VCL: variants seen among roughly 807,000 people sequenced by gnomAD.
VCL encodes vinculin, also known as epididymis luminal protein 114.
Under a neutral mutation model 125.7 loss-of-function variants are expected in VCL, and 47 were observed. The ratio of observed to expected loss-of-function variants is 0.37; its 90% CI spans 0.30 to 0.48. The LOEUF is 0.48. VCL is among the 20% of genes least tolerant of loss of function. The pLI is 0.99. For synonymous variants in VCL, 458 were observed against 514.6 expected (o/e 0.89, Z 1.49); for missense variants, 1,069 against 1,455.5 (o/e 0.73, Z 4.32).
chr10:74,064,939 G>C (rs1841542945), intron 2 of VCL, among the ~76,000 whole-genome samples: 1 of 152,042 alleles, frequency 6.6e-6, no homozygotes, highest in South Asian at 2.1e-4. Context: ...TTTATACGTA[G>C]AAGTATATTT....
chr10:74,035,252 C>T (rs1414135526), intron 1 of VCL, among the ~76,000 whole-genome samples: 4 of 148,870 alleles, frequency 2.7e-5, no homozygotes, highest in Non-Finnish European at 3.0e-5. Flanking sequence ...CCTTTTTTTT[C>T]TTTCTTTTTT....
At position 74,109,088 on chromosome 10, in the gene VCL, G is replaced by T; in HGVS notation, c.2677G>T (p.Val893Leu). Residue 893 changes from valine (V) to leucine (L), a missense_variant, in exon 18 of 22, where the codon GTG becomes TTG. By Grantham distance (32) the Val-to-Leu change is conservative. This residue lies in a region of VCL where 28 missense variants were observed against 65.1 expected (regional missense o/e 0.43). Transcript: ENST00000211998. ...EEFPEQKAGE[V>L]INQPMMMAAR... ...GTTCCCTGAGCAGAAGGCCGGGGAGGTGATTAACCAGCCAATGATGATGGC... is the reference window on the plus strand; with the variant it reads ...GTTCCCTGAGCAGAAGGCCGGGGAGTTGATTAACCAGCCAATGATGATGGC... The T allele has an allele frequency of 6.2e-7, 1 of 1,614,164 alleles. No homozygotes were observed. Among genetic ancestry groups the T allele is most frequent in the Non-Finnish European group, 8.5e-7 (1 of 1,180,030 alleles).
At chr10:74,035,119 A>G (rs535410737) in intron 1 of VCL, among the ~76,000 whole-genome samples, 83 of 152,342 alleles carry the variant, frequency 5.4e-4, no homozygotes, top group African/African-American at 1.9e-3. Flanking sequence ...TACATTGTAC[A>G]AATAAGTAAC....
chr10:74,045,020 C>T (rs1841170552), intron 2 of VCL, among the ~76,000 whole-genome samples: 1 of 151,270 alleles, frequency 6.6e-6, no homozygotes, highest in South Asian at 2.1e-4. Flanking sequence ...CTCTACAAAA[C>T]ATTAGCTCCG....
intron 1 of VCL, among the ~76,000 whole-genome samples, chr10:74,011,582 GC>G (rs1840437060): frequency 6.6e-6 from 1 of 152,094 alleles, no homozygotes; most frequent in African/African-American, 2.4e-5. Flanking sequence ...TAATATACCA[GC>G]TAGTCATTTT....
Position 74,053,759 on chromosome 10 carries a change from C to T in VCL, c.239+10606C>T, listed in dbSNP as rs563409431. Reference sequence around the variant, plus strand: ...CCAAGTGGCTGGGATTACAGGTGCCCGCCACCATGCCTGGCTAATTTTTAT... The same window carrying T: ...CCAAGTGGCTGGGATTACAGGTGCCTGCCACCATGCCTGGCTAATTTTTAT... On this transcript the variant is annotated intron_variant, in intron 2 of 21. Transcript: ENST00000211998. Among the ~76,000 whole-genome samples the T allele has an allele frequency of 2.3e-3, 349 of 151,990 alleles. 1 individual carries two copies. Among genetic ancestry groups the T allele is most frequent in the African/African-American group, 8.1e-3 (338 of 41,476 alleles).
In VCL at chr10:74,118,344, G is replaced by T; in HGVS notation, c.*175G>T. On this transcript the variant is annotated 3_prime_UTR_variant, in exon 22 of 22. Transcript: ENST00000211998. ...AAGACATTTATACTCTTTTTTCATGGACACTTTGAAATGTGTTTCTGTATA... is the reference window on the plus strand; with the variant it reads ...AAGACATTTATACTCTTTTTTCATGTACACTTTGAAATGTGTTTCTGTATA... 2 of 773,442 alleles carry T rather than the reference G, an allele frequency of 2.6e-6. No individual in the cohort carries two copies. The highest frequency in any genetic ancestry group is 4.3e-6 in the Non-Finnish European group (2 of 465,244). The allele number at this position is 773,442 out of a possible 1,614,324, so 47.9% of individuals were successfully genotyped here. A position where few individuals can be genotyped will look rare whatever the true frequency, so the allele number is the denominator to read the frequency against.
At chr10:74,060,176 G>A (rs1841457350) in intron 2 of VCL, among the ~76,000 whole-genome samples, 2 of 152,084 alleles carry the variant, frequency 1.3e-5, no homozygotes, top group African/African-American at 4.8e-5. Context: ...ATGGTGGCAT[G>A]TGCCTTTGGT....
chr10:74,004,985 A>C (rs1235973711), intron 1 of VCL, among the ~76,000 whole-genome samples: 1 of 152,026 alleles, frequency 6.6e-6, no homozygotes, highest in Admixed American at 6.6e-5. Context: ...GGTCACAGAC[A>C]TGAGCCACCA....
intron 11 of VCL, 70 bp from the exon 12 acceptor site, chr10:74,095,586 G>A (rs1238188491): frequency 5.0e-6 from 8 of 1,597,100 alleles, no homozygotes; most frequent in Admixed American, 3.3e-5. Context: ...ACGCCACATC[G>A]CACCACAGAA....
At position 74,104,433 on chromosome 10, in the gene VCL, G is replaced by C. The variant is rs80062774; in HGVS notation, c.2131+505G>C. Among the ~76,000 whole-genome samples the C allele has an allele frequency of 3.4e-3, 510 of 152,184 alleles. 3 individuals carry two copies. Among genetic ancestry groups the C allele is most frequent in the African/African-American group, 0.012 (481 of 41,522 alleles). ...AAACCTGTGTCTGTGCAATTGAAGT[G>C]GCACCTCTGAATCGTCTTCATTCTC... On this transcript the variant is annotated intron_variant, in intron 15 of 21. Transcript: ENST00000211998.
At chr10:74,060,611 G>A (rs1217723914) in intron 2 of VCL, among the ~76,000 whole-genome samples, 1 of 143,530 alleles carries the variant, frequency 7.0e-6, no homozygotes, top group Non-Finnish European at 1.5e-5. Flanking sequence ...AGCTGAGATC[G>A]CGCCACTGCA....
chr10:74,070,061 A>G (rs2136272337), intron 2 of VCL, among the ~76,000 whole-genome samples: 1 of 152,212 alleles, frequency 6.6e-6, no homozygotes, highest in Non-Finnish European at 1.5e-5. Flanking sequence ...TATCAAACAA[A>G]TTTATTTAGC....
intron 8 of VCL, among the ~76,000 whole-genome samples, chr10:74,083,744 T>C (rs966190289): frequency 8.5e-5 from 13 of 152,180 alleles, no homozygotes; most frequent in African/African-American, 2.9e-4. Flanking sequence ...CAGACTGGAG[T>C]GCGGTGGTGC....
chr10:74,106,096 A>G (rs1042343815), intron 16 of VCL, among the ~76,000 whole-genome samples: 5 of 149,526 alleles, frequency 3.3e-5, no homozygotes, highest in African/African-American at 1.2e-4. Context: ...AATTTTTTGT[A>G]GTTTTAGTAG....
At chr10:74,098,806 G>A (rs1050326479) in intron 13 of VCL, among the ~76,000 whole-genome samples, 6 of 152,100 alleles carry the variant, frequency 3.9e-5, no homozygotes, top group Admixed American at 2.0e-4. Flanking sequence ...AGGCTGAGAT[G>A]ATTTGCTATT....
chr10:74,113,578 C>CT (rs5786134), intron 19 of VCL, among the ~76,000 whole-genome samples: 69 of 146,846 alleles, frequency 4.7e-4, no homozygotes, highest in South Asian at 2.4e-3. Flanking sequence ...CAGAAAATAT[C>CT]TTTTTTTTTT....
chr10:74,074,059 C>T (rs1175127532), intron 5 of VCL, among the ~76,000 whole-genome samples: 1 of 139,788 alleles, frequency 7.2e-6, no homozygotes, highest in African/African-American at 3.4e-5. Context: ...AAAACCCCGT[C>T]TCTACTAAAA....
intron 18 of VCL, among the ~76,000 whole-genome samples, chr10:74,111,324 T>G (rs956966673): frequency 3.3e-5 from 5 of 152,206 alleles, no homozygotes; most frequent in African/African-American, 1.2e-4. Context: ...TTACCTCTGA[T>G]GTATCATTTT....
Sources: gnomAD v4.1 joint callset for allele counts (sites outside exome capture counted in the v4.1 genomes callset) on GRCh38, gnomAD v4.1.1 for gene constraint, gnomAD v4.1.1 regional missense constraint, MANE v1.5 for transcripts, NCBI Gene and HGNC (gene_info 2026-07-23, HGNC 2026-07-21) for gene names.